ARSJ: variants seen among roughly 807,000 people sequenced by gnomAD.
ARSJ encodes arylsulfatase J.
Under a neutral mutation model 35.9 loss-of-function variants are expected in ARSJ, and 26 were observed. The observed-to-expected ratio is 0.72, with a 90% CI of 0.53 to 1.00. The LOEUF (loss-of-function observed/expected upper bound fraction) is 1.00, where lower values mean the gene tolerates loss of function less well. Ranked by LOEUF, ARSJ falls within the 50% of genes least tolerant of loss-of-function variation. The pLI, the probability that ARSJ is intolerant of heterozygous loss-of-function variation, is 0.00. For synonymous variants in ARSJ, 294 were observed against 267.6 expected, an observed-to-expected ratio of 1.10 and a Z score of -0.96; for missense variants, 667 against 723.6, an observed-to-expected ratio of 0.92 and a Z score of 0.90.
rs1017710909 is a variant in ARSJ, at chr4:113,960,988, T to C, written c.398+17449A>G. On this transcript the variant is annotated intron_variant, in intron 1 of 1. Transcript: ENST00000315366. ...CATTGAAAAAGAGTTTGAAAAATTA[T>C]AGAATAAGTTTCAAGTCCAACAGAG... Among the ~76,000 whole-genome samples, 44 of 152,228 alleles carry C rather than the reference T, an allele frequency of 2.9e-4. 2 individuals are homozygous for C. The South Asian group carries it at 6.2e-3, about 21-fold the overall frequency.
chr4:113,946,594 CGTCA>C (rs1048125762), intron 1 of ARSJ, among the ~76,000 whole-genome samples: 34 of 150,978 alleles, frequency 2.3e-4, no homozygotes, highest in African/African-American at 7.8e-4. Context: ...CACACACACA[CGTCA>C]GTAAGTATGA....
At chr4:113,970,063 A>G (rs1727146174) in intron 1 of ARSJ, among the ~76,000 whole-genome samples, 2 of 152,182 alleles carry the variant, frequency 1.3e-5, no homozygotes, top group African/African-American at 2.4e-5. Context: ...GCAAAGTGGT[A>G]TTTTAGGTGA....
At chr4:113,927,043 C>T (rs186472225) in intron 1 of ARSJ, among the ~76,000 whole-genome samples, 27 of 152,228 alleles carry the variant, frequency 1.8e-4, no homozygotes, top group East Asian at 1.4e-3. Flanking sequence ...TGTTGCAGAG[C>T]GTTCTTTTGT....
chr4:113,946,092 G>A (rs921929460), intron 1 of ARSJ: 5 of 151,828 alleles, frequency 3.3e-5, no homozygotes, highest in African/African-American at 1.2e-4. Context: ...AGTCACTTCT[G>A]TAAGTCACTT....
rs560664675 is a variant in ARSJ, at chr4:113,939,158, G to A, written c.399-35483C>T. ...TTCCCATCTATGAGTGAGAATATGC[G>A]GTGTTTGGTTTTTTGTCCTTGCGAT... is the stretch of plus-strand genomic sequence containing the variant. On this transcript the variant is annotated intron_variant, in intron 1 of 1. Coordinates refer to ENST00000315366, the MANE Select transcript of ARSJ (RefSeq NM_024590.4). Among the ~76,000 whole-genome samples, 473 of 148,352 alleles carry A rather than the reference G, an allele frequency of 3.2e-3. 3 individuals are homozygous for A. Among genetic ancestry groups the A allele is most frequent in the Non-Finnish European group, 5.0e-3 (334 of 67,322 alleles).
chr4:113,977,216 C>T lies in ARSJ; in HGVS notation c.398+1221G>A, dbSNP rs115264695. Among the ~76,000 whole-genome samples the T allele has an allele frequency of 4.7e-3, 709 of 152,220 alleles. 3 individuals are homozygous for T. Among genetic ancestry groups the T allele is most frequent in the African/African-American group, 0.012 (490 of 41,530 alleles). On this transcript the variant is annotated intron_variant, in intron 1 of 1. Transcript: ENST00000315366. ...TCTACTCCTTTATAAATATCAAATACCCTTGATTTTCTGATGCCACAGTTA... is the reference window on the plus strand; with the variant it reads ...TCTACTCCTTTATAAATATCAAATATCCTTGATTTTCTGATGCCACAGTTA...
intron 1 of ARSJ, among the ~76,000 whole-genome samples, chr4:113,968,633 G>C (rs62314637): frequency 0.037 from 5,693 of 152,318 alleles, 165 homozygotes; most frequent in Non-Finnish European, 0.058. Context: ...CAAGTACTCT[G>C]GCAGTGATAA....
chr4:113,906,961 T>C (rs1414811019), intron 1 of ARSJ, among the ~76,000 whole-genome samples: 1 of 152,214 alleles, frequency 6.6e-6, no homozygotes, highest in African/African-American at 2.4e-5. Flanking sequence ...GAAGTCAGAT[T>C]TTTTAAGTTC....
intron 1 of ARSJ, 68 bp downstream of exon 1, chr4:113,978,369 G>T: frequency 7.1e-7 from 1 of 1,414,032 alleles, no homozygotes; most frequent in Non-Finnish European, 9.5e-7. Context: ...CCTTAAATTT[G>T]GAGCTGGATC....
At chr4:113,905,761 G>A (rs1399012793) in intron 1 of ARSJ, among the ~76,000 whole-genome samples, 1 of 136,526 alleles carries the variant, frequency 7.3e-6, no homozygotes, top group Non-Finnish European at 1.5e-5. Flanking sequence ...TCTGCCTCCC[G>A]GGTTCAAATG....
At chr4:113,942,879 A>G (rs1725244182) in intron 1 of ARSJ, among the ~76,000 whole-genome samples, 1 of 152,078 alleles carries the variant, frequency 6.6e-6, no homozygotes, top group African/African-American at 2.4e-5. Context: ...ACATATGTGA[A>G]GAAAATATTT....
rs750416121 is a variant in ARSJ, at chr4:113,903,342, C to CT, written c.731dup (p.Arg245GlufsTer10). 3 of 1,614,176 alleles carry CT rather than the reference C, an allele frequency of 1.9e-6. No homozygotes were observed. On this transcript the variant is annotated frameshift_variant, in exon 2 of 2. Transcript: ENST00000315366. LOFTEE classifies it high-confidence loss of function. ...GGGAAGCTAAGATTTGCTGTACTCT[C>CT]TGAGTGTACATCTGTGTGGAGTATA...
chr4:113,947,266 A>T (rs951277740), intron 1 of ARSJ, among the ~76,000 whole-genome samples: 2 of 152,066 alleles, frequency 1.3e-5, no homozygotes, highest in Non-Finnish European at 2.9e-5. Context: ...GGATAACTTG[A>T]ACCCAGGAGT....
At position 113,979,073 on chromosome 4, in the gene ARSJ, C is replaced by T. The variant is rs1727774739; in HGVS notation, c.-239G>A. On this transcript the variant is annotated 5_prime_UTR_variant, in exon 1 of 2. Coordinates refer to ENST00000315366, the MANE Select transcript of ARSJ (RefSeq NM_024590.4). ...CAGCACATTTCACTTTCTCCTCCTCCTCCCCCCTCCCTAGAGCAGCTTCCA... is the reference window on the plus strand; with the variant it reads ...CAGCACATTTCACTTTCTCCTCCTCTTCCCCCCTCCCTAGAGCAGCTTCCA... The T allele has an allele frequency of 4.8e-6, 2 of 420,592 alleles. No individual in the cohort carries two copies. Among genetic ancestry groups the T allele is most frequent in the Non-Finnish European group, 8.4e-6 (2 of 238,740 alleles). The allele number at this position is 420,592 out of a possible 1,614,324, so 26.1% of individuals were successfully genotyped here. A position where few individuals can be genotyped will look rare whatever the true frequency, so the allele number is the denominator to read the frequency against.
In ARSJ at chr4:113,964,215, C is replaced by T. The variant is rs148085590; in HGVS notation, c.398+14222G>A. 6.8e-4 allele frequency among the ~76,000 whole-genome samples: 103 copies of T among 152,174 alleles called. 2 individuals are homozygous for T. In the East Asian group the frequency reaches 0.014, roughly 21 times the overall value. On this transcript the variant is annotated intron_variant, in intron 1 of 1. Transcript: ENST00000315366. ...AATTATGATATACTGTATATGCACA[C>T]ACTCTGAAACTGATGAAAACCAGAT...
In ARSJ at chr4:113,903,510, G is replaced by A; in HGVS notation, c.564C>T (p.Pro188=). 2 of 1,614,138 alleles carry A rather than the reference G, an allele frequency of 1.2e-6. No homozygotes were observed. Among genetic ancestry groups the A allele is most frequent in the Non-Finnish European group, 1.7e-6 (2 of 1,180,014 alleles). The change falls in exon 2 of 2, where the codon CCC becomes CCT. Residue 188 remains proline, a synonymous_variant. Transcript: ENST00000315366. ...AAAAGGTATCAAATCCTCTTCTGGT[G>A]GGCATGCATTCTTTTCTGTAAAAAC... ...HLGFYRKECM[P]TRRGFDTFFG... is the part of the protein sequence containing the mutation.
At chr4:113,951,810 G>A (rs1252771678) in intron 1 of ARSJ, among the ~76,000 whole-genome samples, 4 of 151,972 alleles carry the variant, frequency 2.6e-5, no homozygotes, top group African/African-American at 4.8e-5. Flanking sequence ...TGAATCATGC[G>A]TTTAAGAGTT....
chr4:113,954,581 C>G (rs1726050802), intron 1 of ARSJ, among the ~76,000 whole-genome samples: 1 of 152,084 alleles, frequency 6.6e-6, no homozygotes, highest in South Asian at 2.1e-4. Flanking sequence ...TAAAAGTTCA[C>G]ATCTATCTCC....
intron 1 of ARSJ, among the ~76,000 whole-genome samples, chr4:113,972,808 C>T (rs1727357579): frequency 6.6e-6 from 1 of 152,190 alleles, no homozygotes; most frequent in Non-Finnish European, 1.5e-5. Context: ...CTGGCTGTCC[C>T]TGCCATATTT....
Sources: gnomAD v4.1 joint callset for allele counts (sites outside exome capture counted in the v4.1 genomes callset) on GRCh38, gnomAD v4.1.1 for gene constraint, MANE v1.5 for transcripts, NCBI Gene and HGNC (gene_info 2026-07-23, HGNC 2026-07-21) for gene names.